The following ZNF888 variants were observed in gnomAD, a reference collection of about 807,000 sequenced individuals.
ZNF888 encodes the protein CTD-2331H12.6.
A neutral mutation model predicts 7.2 loss-of-function variants in ZNF888; 5 were observed. The ratio of observed to expected loss-of-function variants is 0.70; its 90% confidence interval spans 0.36 to 1.46. ZNF888 has a LOEUF of 1.46. ZNF888 is among the 40% of genes most tolerant of loss of function. ZNF888 has a pLI of 0.03. For synonymous variants in ZNF888, 240 were observed against 284.3 expected (o/e 0.84, Z 1.57); for missense variants, 716 against 858.0 (o/e 0.83, Z 2.07).
At chr19:52,910,980 A>T (rs547198531) in intron 4 of ZNF888, among the ~76,000 whole-genome samples, 1 of 152,118 alleles carries the variant, frequency 6.6e-6, no homozygotes, top group African/African-American at 2.4e-5. Context: ...TCCTGGGTTC[A>T]AGTGATTCTC....
intron 1 of ZNF888, among the ~76,000 whole-genome samples, chr19:52,919,986 A>G (rs1323502820): frequency 7.0e-5 from 3 of 42,568 alleles, no homozygotes; most frequent in African/African-American, 2.2e-4. Flanking sequence ...CCGGGAGGTG[A>G]GGGGCGCCTC....
Position 52,907,979 on chromosome 19 carries a change from T to C in ZNF888, c.343A>G (p.Ile115Val), listed in dbSNP as rs2147923559. The C allele has an allele frequency of 6.2e-7, 1 of 1,614,126 alleles. No homozygotes were observed. Among genetic ancestry groups the C allele is most frequent in the Non-Finnish European group, 8.5e-7 (1 of 1,180,006 alleles). ...TCTGTACTACCCGTCAACTCTTTGA[T>C]TTCTGTCATGGGTGCTTCATGGCCA... Reference protein sequence around the residue: ...TNGHEAPMTEIKELTGSTDQY... With the variant: ...TNGHEAPMTEVKELTGSTDQY... The change falls in exon 5 of 5, where the codon ATC becomes GTC. Residue 115 changes from isoleucine (I) to valine (V), a missense_variant. By Grantham distance (29) the Ile-to-Val change is conservative. Transcript: ENST00000638862.
chr19:52,916,617 T>TATACATATAC (rs199730498), intron 3 of ZNF888, among the ~76,000 whole-genome samples: 7 of 16,076 alleles, frequency 4.4e-4, no homozygotes, highest in African/African-American at 8.7e-4. Context: ...TACATATACA[T>TATACATATAC]ATATATATAT....
rs2064614895 is a variant in ZNF888, at chr19:52,906,832, T to A, written c.1490A>T (p.Lys497Met). 1.2e-6 allele frequency: 2 copies of A among 1,613,350 alleles called. No homozygotes were observed. Among genetic ancestry groups the A allele is most frequent in the African/African-American group, 1.3e-5 (1 of 74,804 alleles). ...IHTGEKPYKC[K>M]VCDKAFRRDS... ...ACGTCTGAAAGCCTTGTCACAAACC[T>A]TACATTTGTATGGTTTCTCACCAGT... is the stretch of plus-strand genomic sequence containing the variant. The change falls in exon 5 of 5, where the codon AAG becomes ATG. Residue 497 changes from lysine to methionine, a missense_variant. Lys to Met is a moderately conservative substitution (Grantham distance 95, BLOSUM62 -1). This residue lies in a region of ZNF888 where 697 missense variants were observed against 803.4 expected (regional missense o/e 0.87). Transcript: ENST00000638862.
intron 1 of ZNF888, among the ~76,000 whole-genome samples, chr19:52,920,534 A>AAG (rs2064814935): frequency 8.7e-5 from 2 of 23,066 alleles, no homozygotes; most frequent in African/African-American, 2.2e-4. Flanking sequence ...AAAGAAAAGG[A>AAG]AAAAAAAAAA....
Position 52,906,476 on chromosome 19 carries a change from T to A in ZNF888, c.1846A>T (p.Asn616Tyr). Residue 616 changes from asparagine to tyrosine, a missense_variant, in exon 5 of 5, where the codon AAT becomes TAT. Coordinates refer to ENST00000638862, the MANE Select transcript of ZNF888 (RefSeq NM_001393938.1). ...TGTATTTCAAGGTGTGATTTGATATTGAAAACTTTGTCACATTCTTCACAT... is the reference window on the plus strand; with the variant it reads ...TGTATTTCAAGGTGTGATTTGATATAGAAAACTTTGTCACATTCTTCACAT... ...YKCEECDKVF[N>Y]IKSHLEIHRR... 2 of 1,613,498 alleles carry A rather than the reference T, an allele frequency of 1.2e-6. No homozygotes were observed. The highest frequency in any genetic ancestry group is 1.7e-6 in the Non-Finnish European group (2 of 1,179,674).
Position 52,908,118 on chromosome 19 carries a change from G to A in ZNF888, c.204C>T (p.Ile68=), listed in dbSNP as rs763813548. 1.2e-6 allele frequency: 2 copies of A among 1,614,050 alleles called. No individual in the cohort carries two copies. The highest frequency in any genetic ancestry group is 1.7e-5 in the Admixed American group (1 of 59,996). ...CCAGTCTTTGCAATGTCCCTGTGTG[G>A]ATCACTTCTGTATTGCCTTTCCCTA... is the stretch of plus-strand genomic sequence containing the variant. The part of the protein sequence containing the change: ...SSIGKGNTEV[I]HTGTLQRLAS... Residue 68 remains isoleucine (I), a synonymous_variant, in exon 5 of 5, where the codon ATC becomes ATT. Transcript: ENST00000638862.
rs2064606915 is a variant in ZNF888 at position 52,906,307 on chromosome 19, T to C, written c.2015A>G (p.Lys672Arg). 3 of 1,612,976 alleles carry C rather than the reference T, an allele frequency of 1.9e-6. No individual in the cohort carries two copies. The highest frequency in any genetic ancestry group is 1.7e-5 in the Admixed American group (1 of 59,964). Residue 672 changes from lysine to arginine, a missense_variant, in exon 5 of 5, where the codon AAG becomes AGG. By Grantham distance (26) the Lys-to-Arg change is conservative. Around this residue, in one of 2 missense-constraint regions of ZNF888, gnomAD observed 697 missense variants for 803.4 expected, o/e 0.87. Coordinates refer to ENST00000638862, the MANE Select transcript of ZNF888 (RefSeq NM_001393938.1). ...ATGTTGTGCCAGGTGTGAGTAACAC[T>C]TGAAAGCCTTGTCACAAACCTTACA... ...YKCKVCDKAF[K>R]CYSHLAQHTR...
intron 4 of ZNF888, among the ~76,000 whole-genome samples, chr19:52,912,207 G>A (rs563629288): frequency 1.3e-5 from 2 of 149,998 alleles, no homozygotes; most frequent in Admixed American, 6.6e-5. Flanking sequence ...TCCGCCTCCC[G>A]GGTTAGCGCC....
At chr19:52,918,759 C>CTAAAA (rs1297692198) in intron 2 of ZNF888, 60 bp downstream of exon 2, 2 of 151,730 alleles carry the variant, frequency 1.3e-5, no homozygotes, top group African/African-American at 2.4e-5. Context: ...GAATAAGACT[C>CTAAAA]TAAAATAAAA....
chr19:52,913,538 G>A (rs1034556495), intron 4 of ZNF888, among the ~76,000 whole-genome samples: 5 of 152,148 alleles, frequency 3.3e-5, no homozygotes, highest in South Asian at 4.1e-4. Flanking sequence ...TTAGCTAGCC[G>A]GGTTCTGAAC....
At chr19:52,922,562 T>A (rs534348344) in intron 1 of ZNF888, among the ~76,000 whole-genome samples, 3 of 152,292 alleles carry the variant, frequency 2.0e-5, no homozygotes. Flanking sequence ...CCTGCTTTGT[T>A]ATCTTTTGTT....
At chr19:52,920,489 C>CAAAAAAAAAAAAAAAAAA (rs1191621530) in intron 1 of ZNF888, among the ~76,000 whole-genome samples, 4 of 6,870 alleles carry the variant, frequency 5.8e-4, no homozygotes, top group East Asian at 7.5e-3. Flanking sequence ...TGCTTGAAGG[C>CAAAAAAAAAAAAAAAAAA]AAAAAAAAAA....
At chr19:52,910,619 C>A (rs1235157752) in intron 4 of ZNF888, among the ~76,000 whole-genome samples, 1 of 152,150 alleles carries the variant, frequency 6.6e-6, no homozygotes, top group Non-Finnish European at 1.5e-5. Flanking sequence ...TATAAAGAGA[C>A]ATTAAAGAGC....
chr19:52,922,079 T>C (rs1453490491), intron 1 of ZNF888, among the ~76,000 whole-genome samples: 1 of 150,716 alleles, frequency 6.6e-6, no homozygotes, highest in Admixed American at 6.6e-5. Context: ...CTTTGGGAGG[T>C]CGAGGCAGGT....
chr19:52,922,804 C>T (rs923627986), intron 1 of ZNF888, among the ~76,000 whole-genome samples: 1 of 152,206 alleles, frequency 6.6e-6, no homozygotes, highest in Non-Finnish European at 1.5e-5. Flanking sequence ...GGCAAGAACA[C>T]CCCGTGTCAC....
In ZNF888 at chr19:52,905,586, A is replaced by G. The variant is rs535824842; in HGVS notation, c.*579T>C. The G allele has an allele frequency of 2.9e-6, 1 of 339,300 alleles. No individual in the cohort carries two copies. The highest frequency in any genetic ancestry group is 5.9e-6 in the Non-Finnish European group (1 of 168,620). 21.0% of individuals were successfully genotyped at this position (339,300 alleles called of 1,614,324 possible). A position where few individuals can be genotyped will look rare whatever the true frequency, so the allele number is the denominator to read the frequency against. ...CACCTTGGCCTCCCACAGTGCTAGC[A>G]TTACAGGTGTGAGCCACCGCACTCA... On this transcript the variant is annotated 3_prime_UTR_variant, in exon 5 of 5. Transcript: ENST00000638862.
In ZNF888 at chr19:52,904,554, T is replaced by G. The variant is rs544182531; in HGVS notation, c.*1611A>C. 1 of 152,360 alleles carries G rather than the reference T, an allele frequency of 6.6e-6. No individual in the cohort carries two copies. Among genetic ancestry groups the G allele is most frequent in the Non-Finnish European group, 1.5e-5 (1 of 68,038 alleles). 9.4% of individuals were successfully genotyped at this position (152,360 alleles called of 1,614,324 possible). A position where few individuals can be genotyped will look rare whatever the true frequency, so the allele number is the denominator to read the frequency against. On this transcript the variant is annotated 3_prime_UTR_variant, in exon 5 of 5. Transcript: ENST00000638862. Reference sequence around the variant, plus strand: ...TTCACATGAAACGGTCGTGATTGATTTGAGCAAGCAGTGGGTATGTGACAG... The same window carrying G: ...TTCACATGAAACGGTCGTGATTGATGTGAGCAAGCAGTGGGTATGTGACAG...
intron 4 of ZNF888, among the ~76,000 whole-genome samples, chr19:52,910,698 A>C (rs2147926543): frequency 6.6e-6 from 1 of 152,146 alleles, no homozygotes; most frequent in Non-Finnish European, 1.5e-5. Context: ...ACCATGAAGA[A>C]GCCTCTCACC....
Sources: allele counts gnomAD v4.1 joint callset (sites outside exome capture counted in the v4.1 genomes callset), GRCh38; gene constraint gnomAD v4.1.1; regional missense constraint gnomAD v4.1.1; transcripts MANE v1.5; gene names NCBI Gene and HGNC (gene_info 2026-07-23, HGNC 2026-07-21).